UBE2G1: variants seen among roughly 807,000 people sequenced by gnomAD.
The protein encoded by UBE2G1 is ubiquitin-conjugating enzyme E2 G1.
UBE2G1 carries 5 observed loss-of-function variants against 22.7 expected under a neutral mutation model. The observed-to-expected ratio is 0.22, with a 90% confidence interval of 0.12 to 0.46. The LOEUF (loss-of-function observed/expected upper bound fraction) is 0.46, where lower values mean the gene tolerates loss of function less well. Among genes scored for constraint, UBE2G1 ranks in the 20% least tolerant of loss-of-function variants. The pLI is 0.99. For missense variants in UBE2G1, 88 were observed against 203.9 expected (o/e 0.43, Z 3.46); for synonymous variants, 74 against 67.5 (o/e 1.10, Z -0.47).
chr17:4,337,815 T>C (rs1969666862), intron 1 of UBE2G1, among the ~76,000 whole-genome samples: 1 of 151,874 alleles, frequency 6.6e-6, no homozygotes, highest in African/African-American at 2.4e-5. Flanking sequence ...CATTTAAAAA[T>C]AAGAACAAGG....
chr17:4,314,090 A>C (rs1284438490), intron 1 of UBE2G1, among the ~76,000 whole-genome samples: 1 of 152,218 alleles, frequency 6.6e-6, no homozygotes, highest in African/African-American at 2.4e-5. Context: ...TTTCAAATAT[A>C]TAGTTCTCAG....
At chr17:4,291,183 A>C (rs1969034383) in intron 3 of UBE2G1, among the ~76,000 whole-genome samples, 1 of 152,144 alleles carries the variant, frequency 6.6e-6, no homozygotes, top group African/African-American at 2.4e-5. Flanking sequence ...CAACATGGAG[A>C]AATCCCATCT....
At chr17:4,325,587 A>G (rs74588576) in intron 1 of UBE2G1, among the ~76,000 whole-genome samples, 7,132 of 152,260 alleles carry the variant, frequency 0.047, 601 homozygotes, top group African/African-American at 0.16. Flanking sequence ...TACAAATACA[A>G]TGTAATCCCT....
intron 3 of UBE2G1, among the ~76,000 whole-genome samples, chr17:4,294,459 A>C (rs533664105): frequency 2.9e-4 from 44 of 151,588 alleles, no homozygotes; most frequent in African/African-American, 1.0e-3. Flanking sequence ...CGAAAAGAAA[A>C]GAAAAGAAAA....
At chr17:4,313,096 T>C (rs545310830) in intron 1 of UBE2G1, among the ~76,000 whole-genome samples, 9 of 152,226 alleles carry the variant, frequency 5.9e-5, no homozygotes, top group Non-Finnish European at 1.3e-4. Flanking sequence ...TTGATACGGA[T>C]ACCTCACACT....
chr17:4,341,655 C>CT (rs1296746069), intron 1 of UBE2G1, among the ~76,000 whole-genome samples: 2 of 152,172 alleles, frequency 1.3e-5, no homozygotes, highest in African/African-American at 4.8e-5. Context: ...CTCAACACCC[C>CT]TTCACGGTAC....
chr17:4,282,824 CTAAA>C lies in UBE2G1; in HGVS notation c.*7_*10del. 1 of 1,605,468 alleles carries C rather than the reference CTAAA, an allele frequency of 6.2e-7. No individual in the cohort carries two copies. Among genetic ancestry groups the C allele is most frequent in the Middle Eastern group, 1.7e-4 (1 of 6,024 alleles). On this transcript the variant is annotated 3_prime_UTR_variant, in exon 5 of 6. Transcript: ENST00000396981. ...CTGAAATAAGTGAAGTTACTAGCTG[CTAAA>C]TAAATGTCACTCAAAAGCAGTCTCT...
intron 4 of UBE2G1, among the ~76,000 whole-genome samples, chr17:4,286,908 G>T (rs1968970374): frequency 6.6e-6 from 1 of 151,964 alleles, no homozygotes; most frequent in East Asian, 1.9e-4. Flanking sequence ...TGCTGGGCGT[G>T]GTTCCGCACG....
intron 1 of UBE2G1, among the ~76,000 whole-genome samples, chr17:4,356,111 T>C (rs1264672879): frequency 1.4e-5 from 2 of 144,104 alleles, no homozygotes; most frequent in Non-Finnish European, 3.0e-5. Context: ...ATCCCAGCAC[T>C]TTGGGAGGCT....
chr17:4,282,051 C>G (rs1286009369), intron 5 of UBE2G1, among the ~76,000 whole-genome samples: 2 of 151,956 alleles, frequency 1.3e-5, no homozygotes, highest in Non-Finnish European at 2.9e-5. Context: ...CTGTAAAGAC[C>G]AAGGAGATAG....
chr17:4,333,742 C>A (rs1246050377), intron 1 of UBE2G1, among the ~76,000 whole-genome samples: 1 of 152,026 alleles, frequency 6.6e-6, no homozygotes, highest in Non-Finnish European at 1.5e-5. Context: ...AATCTCGAAC[C>A]CAGGAGGCAG....
intron 1 of UBE2G1, among the ~76,000 whole-genome samples, chr17:4,314,666 T>C (rs1022242667): frequency 6.6e-6 from 1 of 152,224 alleles, no homozygotes; most frequent in African/African-American, 2.4e-5. Context: ...GGCCATTTTA[T>C]CATTTAATCC....
intron 2 of UBE2G1, among the ~76,000 whole-genome samples, chr17:4,300,207 C>T (rs1367091004): frequency 6.6e-6 from 1 of 152,038 alleles, no homozygotes; most frequent in East Asian, 1.9e-4. Context: ...CTGTAGACTA[C>T]ACATTAACAT....
chr17:4,306,678 G>A (rs1384387421), intron 2 of UBE2G1, among the ~76,000 whole-genome samples: 1 of 151,876 alleles, frequency 6.6e-6, no homozygotes. Flanking sequence ...TTGAGATGGA[G>A]TCTCACTCTG....
chr17:4,350,756 G>A (rs1451510314), intron 1 of UBE2G1, among the ~76,000 whole-genome samples: 2 of 152,102 alleles, frequency 1.3e-5, no homozygotes, highest in Admixed American at 1.3e-4. Flanking sequence ...TATGAGGCTG[G>A]ACGTGTTGGC....
chr17:4,344,108 T>C (rs530262549), intron 1 of UBE2G1, among the ~76,000 whole-genome samples: 9 of 152,254 alleles, frequency 5.9e-5, no homozygotes, highest in Admixed American at 5.9e-4. Flanking sequence ...GGAGCCAAGG[T>C]TATTCTCAAT....
rs555039811 is a variant in UBE2G1, at chr17:4,280,015, TATCCA to T, written c.*37+2778_*37+2782del. On this transcript the variant is annotated intron_variant, in intron 5 of 5. Transcript: ENST00000396981. ...AGGGCAATTCATATTAAGTCCACAA[TATCCA>T]GATTTAGATAGATAGACTTTTTTTT... 3.1e-3 allele frequency among the ~76,000 whole-genome samples: 467 copies of T among 151,536 alleles called. 3 individuals are homozygous for T. Among genetic ancestry groups the T allele is most frequent in the African/African-American group, 0.01 (428 of 41,198 alleles).
intron 3 of UBE2G1, among the ~76,000 whole-genome samples, chr17:4,294,253 TAAAAATAC>T (rs1969078137): frequency 6.6e-6 from 1 of 151,752 alleles, no homozygotes; most frequent in Non-Finnish European, 1.5e-5. Flanking sequence ...CCGACTCTAC[TAAAAATAC>T]AAAAATTAGC....
At chr17:4,274,927 T>TGTAGTCCCAGCTACTCGAGAGACTGAG (rs61291097) in intron 5 of UBE2G1, among the ~76,000 whole-genome samples, 1 of 151,810 alleles carries the variant, frequency 6.6e-6, no homozygotes, top group East Asian at 1.9e-4. Context: ...GGCACATGCC[T>TGTAGTCCCAGCTACTCGAGAGACTGAG]GTGGGAGGAC....
Sources: gnomAD v4.1 joint callset for allele counts (sites outside exome capture counted in the v4.1 genomes callset) on GRCh38, gnomAD v4.1.1 for gene constraint, MANE v1.5 for transcripts, NCBI Gene and HGNC (gene_info 2026-07-23, HGNC 2026-07-21) for gene names.